The following HDAC4 variants were observed in gnomAD, a reference collection of about 807,000 sequenced individuals.
HDAC4 encodes the protein histone deacetylase 4.
A neutral mutation model predicts 135.1 loss-of-function variants in HDAC4; 16 were observed. The observed-to-expected ratio is 0.12, with a 90% confidence interval of 0.08 to 0.18. HDAC4 has a LOEUF of 0.18. Ranked by LOEUF, HDAC4 falls within the 10% of genes least tolerant of loss-of-function variation. The probability of loss-of-function intolerance (pLI) is 1.00; values close to 1 mark genes in which losing one functional copy is unlikely to be tolerated. For synonymous variants in HDAC4, 685 were observed against 653.4 expected, an observed-to-expected ratio of 1.05 and a Z score of -0.74; for missense variants, 1,143 against 1,511.8, an observed-to-expected ratio of 0.76 and a Z score of 4.05.
chr2:239,388,735 C>T (rs555321052), intron 1 of HDAC4, among the ~76,000 whole-genome samples: 1 of 152,344 alleles, frequency 6.6e-6, no homozygotes, highest in Admixed American at 6.5e-5. Context: ...CCTTCCTGGC[C>T]CCCACTCCCC....
intron 5 of HDAC4, among the ~76,000 whole-genome samples, chr2:239,171,272 AG>A (rs751127365): frequency 6.6e-6 from 1 of 152,234 alleles, no homozygotes; most frequent in Non-Finnish European, 1.5e-5. Context: ...CACTACGTGC[AG>A]AAAAAAATAA....
chr2:239,252,735 T>C (rs1575530504), intron 2 of HDAC4, among the ~76,000 whole-genome samples: 1 of 152,342 alleles, frequency 6.6e-6, no homozygotes, highest in Admixed American at 6.5e-5. Flanking sequence ...TAAACGATTT[T>C]CCAAGGTTTT....
chr2:239,084,465 G>GCGCACA (rs1553609288), intron 19 of HDAC4, among the ~76,000 whole-genome samples: 1 of 107,970 alleles, frequency 9.3e-6, no homozygotes, highest in African/African-American at 3.3e-5. Flanking sequence ...GCGTGCGCGC[G>GCGCACA]CACACACACA....
Position 239,309,842 on chromosome 2 carries a change from A to G in HDAC4, c.22+42836T>C, listed in dbSNP as rs2052786506. Reference sequence around the variant, plus strand: ...CTCAGACCATGGATGTGGCCGTGCCAGCAGGGAGGCCAGCAGCCCCTAGCA... The same window carrying G: ...CTCAGACCATGGATGTGGCCGTGCCGGCAGGGAGGCCAGCAGCCCCTAGCA... On this transcript the variant is annotated intron_variant, in intron 2 of 26. Coordinates refer to ENST00000543185, the MANE Select transcript of HDAC4 (RefSeq NM_001378414.1). The surrounding 1 kb of genome is among the most constrained non-coding windows in gnomAD (Gnocchi z 4.2). Among the ~76,000 whole-genome samples, 1 of 152,220 alleles carries G rather than the reference A, an allele frequency of 6.6e-6. No homozygotes were observed. The highest frequency in any genetic ancestry group is 2.4e-5 in the African/African-American group (1 of 41,464).
chr2:239,326,039 T>TGAAA (rs1389779037), intron 2 of HDAC4, among the ~76,000 whole-genome samples: 2 of 151,950 alleles, frequency 1.3e-5, no homozygotes, highest in African/African-American at 4.8e-5. Context: ...CCAAAAGATG[T>TGAAA]GAAAGCAGGG....
chr2:239,217,027 T>C (rs1326184971), intron 3 of HDAC4, among the ~76,000 whole-genome samples: 2 of 151,460 alleles, frequency 1.3e-5, no homozygotes, highest in Non-Finnish European at 2.9e-5. Context: ...CCGAGCCCCC[T>C]TACAGCTCTC....
rs1368379034 is a variant in HDAC4 at position 239,080,856 on chromosome 2, G to T, written c.2750+239C>A. On this transcript the variant is annotated intron_variant, in intron 22 of 26. Coordinates refer to ENST00000543185, the MANE Select transcript of HDAC4 (RefSeq NM_001378414.1). ...CACTCTCTCACCATCGACCCAAAGTGAGCTCCTGGTTTTATTTCATGCACA... is the reference window on the plus strand; with the variant it reads ...CACTCTCTCACCATCGACCCAAAGTTAGCTCCTGGTTTTATTTCATGCACA... The T allele has an allele frequency of 1.1e-5, 6 of 568,284 alleles. No individual in the cohort carries two copies. The Admixed American group carries it at 1.5e-4, about 14-fold the overall frequency. The allele number at this position is 568,284 out of a possible 1,614,324, so 35.2% of individuals were successfully genotyped here. A position where few individuals can be genotyped will look rare whatever the true frequency, so the allele number is the denominator to read the frequency against.
intron 25 of HDAC4, 69 bp from the exon 26 acceptor site, chr2:239,053,670 G>A (rs1359070365): frequency 5.0e-6 from 7 of 1,387,212 alleles, no homozygotes; most frequent in African/African-American, 1.4e-5. Context: ...GGCCCGGGAA[G>A]GTCCTGCGGG....
At chr2:239,225,861 G>A (rs1387725849) in intron 3 of HDAC4, among the ~76,000 whole-genome samples, 1 of 152,224 alleles carries the variant, frequency 6.6e-6, no homozygotes, top group Non-Finnish European at 1.5e-5. Flanking sequence ...TGCATCACGT[G>A]TGACAGTGTG....
At chr2:239,304,695 C>T (rs1390435568) in intron 2 of HDAC4, among the ~76,000 whole-genome samples, 1 of 152,182 alleles carries the variant, frequency 6.6e-6, no homozygotes, top group East Asian at 1.9e-4. Context: ...GAGCTCTCAA[C>T]GAAGGTGTGA....
intron 1 of HDAC4, among the ~76,000 whole-genome samples, chr2:239,397,301 C>T (rs528827084): frequency 1.3e-5 from 2 of 152,298 alleles, no homozygotes; most frequent in African/African-American, 4.8e-5. Flanking sequence ...AGAGGTAGAG[C>T]CCACCTGCAG....
chr2:239,345,584 GACACCCTAACACACACATACAC>G (rs1688408988), intron 2 of HDAC4, among the ~76,000 whole-genome samples: 2 of 145,560 alleles, frequency 1.4e-5, no homozygotes, highest in African/African-American at 5.1e-5. Context: ...CACACACACG[GACACCCTAACACACACATACAC>G]ACACCCTAAC....
intron 2 of HDAC4, among the ~76,000 whole-genome samples, chr2:239,254,287 A>T (rs2048939145): frequency 6.6e-6 from 1 of 152,204 alleles, no homozygotes; most frequent in African/African-American, 2.4e-5. Flanking sequence ...TTTACCATGC[A>T]AATTTAACAT....
chr2:239,183,861 A>G (rs1036299336), intron 4 of HDAC4, among the ~76,000 whole-genome samples: 8 of 152,164 alleles, frequency 5.3e-5, no homozygotes, highest in African/African-American at 1.9e-4. Context: ...TCGGCCAGGT[A>G]TTAAAGAGAA....
intron 3 of HDAC4, chr2:239,191,113 C>A: frequency 2.4e-6 from 1 of 420,480 alleles, no homozygotes; most frequent in Non-Finnish European, 4.9e-6. Context: ...CAGGCCCACC[C>A]CTCAGAAAGC....
At chr2:239,194,170 T>G (rs1019983178) in intron 3 of HDAC4, among the ~76,000 whole-genome samples, 4 of 152,210 alleles carry the variant, frequency 2.6e-5, no homozygotes, top group African/African-American at 9.6e-5. Context: ...GGCAGCGCCC[T>G]CTGAAGGTAA....
At chr2:239,289,487 ATTTTTTCCTTCTTCACTCACT>A in intron 2 of HDAC4, among the ~76,000 whole-genome samples, 1 of 152,164 alleles carries the variant, frequency 6.6e-6, no homozygotes, top group Non-Finnish European at 1.5e-5. Context: ...TCTAAGTAAC[ATTTTTTCCTTCTTCACTCACT>A]AAACCTTTAC....
At chr2:239,179,692 AGG>A (rs1366164944) in intron 4 of HDAC4, among the ~76,000 whole-genome samples, 3 of 152,242 alleles carry the variant, frequency 2.0e-5, no homozygotes, top group Non-Finnish European at 4.4e-5. Flanking sequence ...AAAGTGGCTG[AGG>A]GGTAGGAAAG....
At chr2:239,395,908 T>C (rs1004663006) in intron 1 of HDAC4, among the ~76,000 whole-genome samples, 1 of 152,352 alleles carries the variant, frequency 6.6e-6, no homozygotes, top group East Asian at 1.9e-4. Context: ...ATTTAAGATT[T>C]TGACACTTAA....
Sources: gnomAD v4.1 joint callset for allele counts (sites outside exome capture counted in the v4.1 genomes callset) on GRCh38, gnomAD v4.1.1 for gene constraint, Gnocchi (gnomAD v3.1) non-coding constraint, MANE v1.5 for transcripts, NCBI Gene and HGNC (gene_info 2026-07-23, HGNC 2026-07-21) for gene names.